The following DSCAM variants were observed in gnomAD, a reference collection of about 807,000 sequenced individuals.
DSCAM encodes DS cell adhesion molecule, also known as cell adhesion molecule DSCAM.
Under a neutral mutation model 217.7 loss-of-function variants are expected in DSCAM, and 47 were observed. The observed-to-expected ratio is 0.22, with a 90% CI of 0.17 to 0.28. The LOEUF (loss-of-function observed/expected upper bound fraction) is 0.28, where lower values mean the gene tolerates loss of function less well. Among genes scored for constraint, DSCAM ranks in the 10% least tolerant of loss-of-function variants. The pLI is 1.00. For missense variants in DSCAM, 2,080 were observed against 2,618.3 expected (o/e 0.79, Z 4.49); for synonymous variants, 1,056 against 1,015.3 (o/e 1.04, Z -0.76).
At chr21:40,173,752 G>T (rs919205497) in intron 15 of DSCAM, among the ~76,000 whole-genome samples, 1 of 152,150 alleles carries the variant, frequency 6.6e-6, no homozygotes, top group African/African-American at 2.4e-5. Flanking sequence ...TGCTGCCCCG[G>T]AATGGGAGGA....
At chr21:40,512,862 G>A (rs989465568) in intron 3 of DSCAM, among the ~76,000 whole-genome samples, 5 of 151,088 alleles carry the variant, frequency 3.3e-5, no homozygotes, top group African/African-American at 9.7e-5. Context: ...TCTCAGCTTC[G>A]ACGCTTGCCC....
chr21:40,300,803 A>T (rs932138381), intron 9 of DSCAM, among the ~76,000 whole-genome samples: 22 of 152,194 alleles, frequency 1.4e-4, no homozygotes, highest in Admixed American at 1.4e-3. Flanking sequence ...GTCTCCAGTG[A>T]TTCTGACTCA....
chr21:40,227,276 C>T (rs375138476), intron 11 of DSCAM, among the ~76,000 whole-genome samples: 2 of 152,204 alleles, frequency 1.3e-5, no homozygotes, highest in South Asian at 2.1e-4. Context: ...TGGAAGGCTT[C>T]GAGCTTTTCC....
chr21:40,780,131 A>G (rs2091526456), intron 1 of DSCAM, among the ~76,000 whole-genome samples: 1 of 152,162 alleles, frequency 6.6e-6, no homozygotes, highest in Non-Finnish European at 1.5e-5. Flanking sequence ...AAGGAAGCAG[A>G]GCCAGACAAG....
chr21:40,166,369 A>G (rs1333987018), intron 16 of DSCAM, among the ~76,000 whole-genome samples: 1 of 152,314 alleles, frequency 6.6e-6, no homozygotes, highest in East Asian at 1.9e-4. Flanking sequence ...AGAACTTTTG[A>G]TTCGATAATA....
intron 11 of DSCAM, among the ~76,000 whole-genome samples, chr21:40,261,653 A>C (rs201805461): frequency 1.0e-3 from 13 of 12,904 alleles, no homozygotes; most frequent in Non-Finnish European, 2.4e-3. Flanking sequence ...CTCTCTCTCT[A>C]CACACACACA....
chr21:40,015,331 C>T (rs1174207750), intron 32 of DSCAM, among the ~76,000 whole-genome samples: 1 of 152,132 alleles, frequency 6.6e-6, no homozygotes, highest in Non-Finnish European at 1.5e-5. Flanking sequence ...GTAACATTAT[C>T]ACCATCCTTC....
chr21:40,250,097 T>A (rs905878783), intron 11 of DSCAM, among the ~76,000 whole-genome samples: 2 of 152,220 alleles, frequency 1.3e-5, no homozygotes, highest in Admixed American at 6.5e-5. Flanking sequence ...CCTTGGAATT[T>A]AAACATGAGA....
intron 21 of DSCAM, 53 bp from the exon 22 acceptor site, chr21:40,087,340 A>G (rs762904352): frequency 1.7e-5 from 24 of 1,383,806 alleles, no homozygotes; most frequent in Non-Finnish European, 2.4e-5. Flanking sequence ...GTGTCTACAC[A>G]GAGGCCAACA....
chr21:40,192,750 C>T (rs901720460), intron 11 of DSCAM, among the ~76,000 whole-genome samples: 4 of 152,066 alleles, frequency 2.6e-5, no homozygotes, highest in Non-Finnish European at 4.4e-5. Flanking sequence ...TAGCACAGTA[C>T]TTTGTTCCTT....
At chr21:40,287,026 G>T (rs1254283494) in intron 10 of DSCAM, among the ~76,000 whole-genome samples, 2 of 145,812 alleles carry the variant, frequency 1.4e-5, no homozygotes, top group African/African-American at 5.0e-5. Context: ...TATCTGCGGT[G>T]TGATCTGCAG....
intron 11 of DSCAM, among the ~76,000 whole-genome samples, chr21:40,211,184 G>A (rs1318615829): frequency 6.6e-6 from 1 of 152,194 alleles, no homozygotes; most frequent in African/African-American, 2.4e-5. Flanking sequence ...GTTATTGTGT[G>A]TGTCAACAGT....
chr21:40,753,230 C>CTTGGTCTG (rs1303951461), intron 1 of DSCAM, among the ~76,000 whole-genome samples: 1 of 152,142 alleles, frequency 6.6e-6, no homozygotes, highest in African/African-American at 2.4e-5. Flanking sequence ...GGGGGTATTC[C>CTTGGTCTG]TTGGTCTGTT....
At position 40,480,205 on chromosome 21, in the gene DSCAM, G is replaced by T. The variant is rs1394256314; in HGVS notation, c.509-110960C>A. Among the ~76,000 whole-genome samples, 3 of 152,188 alleles carry T rather than the reference G, an allele frequency of 2.0e-5. No homozygotes were observed. The East Asian group carries it at 5.8e-4, about 29-fold the overall frequency. ...GCCCAGAGGCAGTTCCTTGTGCCCT[G>T]ACTTAGGCTCCTTTTAGAAATCTAT... On this transcript the variant is annotated intron_variant, in intron 3 of 32. Transcript: ENST00000400454.
intron 1 of DSCAM, among the ~76,000 whole-genome samples, chr21:40,833,892 T>G (rs980919768): frequency 1.3e-5 from 2 of 152,154 alleles, no homozygotes; most frequent in Non-Finnish European, 2.9e-5. Context: ...GGAGCTGTCC[T>G]GTGCATTACA....
intron 3 of DSCAM, among the ~76,000 whole-genome samples, chr21:40,617,016 C>CAAA (rs1223963613): frequency 1.7e-4 from 12 of 68,890 alleles, no homozygotes; most frequent in African/African-American, 6.0e-4. Flanking sequence ...GACTCCGTCT[C>CAAA]AAAAAAAAAA....
chr21:40,572,385 TAAG>T (rs906103663), intron 3 of DSCAM, among the ~76,000 whole-genome samples: 6 of 151,974 alleles, frequency 3.9e-5, no homozygotes, highest in Non-Finnish European at 7.4e-5. Flanking sequence ...AGGCAGGAAA[TAAG>T]AAAGAGAAAC....
chr21:40,362,995 A>G (rs2123680585), intron 4 of DSCAM, among the ~76,000 whole-genome samples: 1 of 152,266 alleles, frequency 6.6e-6, no homozygotes, highest in South Asian at 2.1e-4. Flanking sequence ...CTTTATGTTG[A>G]TTCCTATGTC....
chr21:40,639,600 G>T (rs571932450), intron 3 of DSCAM, among the ~76,000 whole-genome samples: 21 of 152,152 alleles, frequency 1.4e-4, no homozygotes, highest in African/African-American at 4.8e-4. Context: ...ATTTAAAATG[G>T]TATCTATTTT....
Sources: gnomAD v4.1 joint callset for allele counts (sites outside exome capture counted in the v4.1 genomes callset) on GRCh38, gnomAD v4.1.1 for gene constraint, MANE v1.5 for transcripts, NCBI Gene and HGNC (gene_info 2026-07-23, HGNC 2026-07-21) for gene names.